Variants in SKAP2 observed in about 807,000 individuals in gnomAD.
The protein encoded by SKAP2 is src kinase-associated phosphoprotein 2.
A neutral mutation model predicts 54.9 loss-of-function variants in SKAP2; 28 were observed. The observed-to-expected ratio is 0.51, with a 90% CI of 0.38 to 0.70. The LOEUF (loss-of-function observed/expected upper bound fraction) is 0.70, where lower values mean the gene tolerates loss of function less well. Among genes scored for constraint, SKAP2 ranks in the 30% least tolerant of loss-of-function variants. SKAP2 has a pLI of 0.00. For missense variants in SKAP2, 356 were observed against 424.1 expected, an observed-to-expected ratio of 0.84 and a Z score of 1.41; for synonymous variants, 137 against 134.3, an observed-to-expected ratio of 1.02 and a Z score of -0.14.
At chr7:26,704,157 T>C (rs893125356) in intron 9 of SKAP2, among the ~76,000 whole-genome samples, 2 of 152,188 alleles carry the variant, frequency 1.3e-5, no homozygotes, top group Admixed American at 6.5e-5. Flanking sequence ...TGAAAAATAG[T>C]GTACACTGCT....
At chr7:26,804,436 T>C (rs965223043) in intron 4 of SKAP2, among the ~76,000 whole-genome samples, 2 of 152,138 alleles carry the variant, frequency 1.3e-5, no homozygotes, top group Admixed American at 6.5e-5. Context: ...TAACACATAA[T>C]GTTTAATAAA....
intron 9 of SKAP2, among the ~76,000 whole-genome samples, chr7:26,719,669 T>G (rs1191426868): frequency 5.3e-5 from 8 of 152,230 alleles, no homozygotes; most frequent in Non-Finnish European, 8.8e-5. Context: ...TTCCTTCATT[T>G]TTTATCTTCC....
intron 10 of SKAP2, among the ~76,000 whole-genome samples, chr7:26,686,939 A>G (rs1383579623): frequency 6.6e-6 from 1 of 152,078 alleles, no homozygotes; most frequent in Admixed American, 6.5e-5. Flanking sequence ...AAAGTGGAAG[A>G]AACAAAACTT....
intron 1 of SKAP2, among the ~76,000 whole-genome samples, chr7:26,864,022 TC>T (rs907742057): frequency 6.8e-6 from 1 of 147,078 alleles, no homozygotes; most frequent in Non-Finnish European, 1.5e-5. Flanking sequence ...TCATTCTCTC[TC>T]CCTCTTCCAC....
intron 9 of SKAP2, among the ~76,000 whole-genome samples, chr7:26,713,145 C>T (rs539419861): frequency 6.6e-6 from 1 of 152,320 alleles, no homozygotes. Flanking sequence ...CCAGGATTGT[C>T]CATGCTCAGA....
intron 4 of SKAP2, among the ~76,000 whole-genome samples, chr7:26,781,188 C>T (rs3801848): frequency 0.3 from 45,264 of 151,940 alleles, 7,044 homozygotes; most frequent in Middle Eastern, 0.37. Context: ...AACACAGAAT[C>T]AATATAAATG....
chr7:26,849,173 T>G (rs1784986892), intron 3 of SKAP2, among the ~76,000 whole-genome samples: 1 of 152,222 alleles, frequency 6.6e-6, no homozygotes, highest in Admixed American at 6.5e-5. Flanking sequence ...GCTATTCTTA[T>G]TCTGCTATTC....
At chr7:26,717,067 T>A (rs934330136) in intron 9 of SKAP2, among the ~76,000 whole-genome samples, 1 of 152,044 alleles carries the variant, frequency 6.6e-6, no homozygotes, top group African/African-American at 2.4e-5. Flanking sequence ...GGATTCAAAG[T>A]GATGTGTGTT....
chr7:26,819,476 G>A (rs770652840), intron 4 of SKAP2, among the ~76,000 whole-genome samples: 3 of 151,848 alleles, frequency 2.0e-5, no homozygotes, highest in African/African-American at 4.8e-5. Context: ...TGTAGATGAC[G>A]GGTTGATGGG....
intron 9 of SKAP2, among the ~76,000 whole-genome samples, chr7:26,706,285 G>C (rs969758453): frequency 2.0e-5 from 3 of 152,044 alleles, no homozygotes; most frequent in African/African-American, 4.8e-5. Flanking sequence ...AATTTTATAA[G>C]AGTCAAGGGT....
At chr7:26,700,022 G>T (rs1378873263) in intron 9 of SKAP2, among the ~76,000 whole-genome samples, 1 of 152,054 alleles carries the variant, frequency 6.6e-6, no homozygotes, top group Non-Finnish European at 1.5e-5. Flanking sequence ...GGAGCAAGTG[G>T]AATATTCTAT....
chr7:26,665,309 G>A (rs888266424), downstream of SKAP2, among the ~76,000 whole-genome samples: 1 of 152,146 alleles, frequency 6.6e-6, no homozygotes. Context: ...AGAAAGGAAG[G>A]AAACATCTAA....
intron 4 of SKAP2, among the ~76,000 whole-genome samples, chr7:26,793,583 C>T (rs1783712720): frequency 1.3e-5 from 2 of 152,012 alleles, no homozygotes; most frequent in Admixed American, 6.6e-5. Flanking sequence ...GAAGTTAGAC[C>T]AGTAAGGGCA....
intron 11 of SKAP2, among the ~76,000 whole-genome samples, chr7:26,683,368 A>G (rs1786548543): frequency 6.6e-6 from 1 of 152,214 alleles, no homozygotes. Context: ...CTTTCTGGGA[A>G]CAACAGTAAC....
chr7:26,684,991 T>C (rs1469519855), intron 10 of SKAP2, 143 bp from the exon 11 acceptor site: 1 of 589,596 alleles, frequency 1.7e-6, no homozygotes, highest in East Asian at 2.8e-5. Flanking sequence ...GAATACTTTA[T>C]TACATTCACA....
intron 2 of SKAP2, 91 bp downstream of exon 2, chr7:26,854,694 T>G (rs955368797): frequency 1.5e-6 from 2 of 1,301,830 alleles, no homozygotes; most frequent in East Asian, 2.6e-5. Context: ...CATGAAAAAT[T>G]TAACTCCATA....
intron 4 of SKAP2, among the ~76,000 whole-genome samples, chr7:26,745,338 C>T (rs1782539390): frequency 1.3e-5 from 2 of 152,150 alleles, no homozygotes; most frequent in Non-Finnish European, 2.9e-5. Context: ...CCCTGAACTC[C>T]AAAAAGTAAA....
At chr7:26,844,178 T>G (rs1261825158) in intron 3 of SKAP2, 41 bp from the exon 4 acceptor site, 2 of 1,199,892 alleles carry the variant, frequency 1.7e-6, no homozygotes, top group Non-Finnish European at 2.5e-6. Context: ...CCTTTTATAC[T>G]TTAGCCATTT....
At chr7:26,842,882 C>CA (rs67111283) in intron 4 of SKAP2, among the ~76,000 whole-genome samples, 1,671 of 149,608 alleles carry the variant, frequency 0.011, 33 homozygotes, top group African/African-American at 0.039. Context: ...AATATAACAG[C>CA]AAAAAAAAAC....
Sources: gnomAD v4.1 joint callset for allele counts (sites outside exome capture counted in the v4.1 genomes callset) on GRCh38, gnomAD v4.1.1 for gene constraint, MANE v1.5 for transcripts, NCBI Gene and HGNC (gene_info 2026-07-23, HGNC 2026-07-21) for gene names.